HIP1: variants seen among roughly 807,000 people sequenced by gnomAD.
The protein encoded by HIP1 is huntingtin interacting protein 1, also known as huntingtin-interacting protein 1.
Under a neutral mutation model 147.6 loss-of-function variants are expected in HIP1, and 65 were observed. That is an observed-to-expected ratio of 0.44 (90% CI 0.36 to 0.54). HIP1 has a LOEUF of 0.54. Ranked by LOEUF, HIP1 falls within the 20% of genes least tolerant of loss-of-function variation. The pLI is 0.00. For synonymous variants in HIP1, 479 were observed against 504.0 expected (o/e 0.95, Z 0.67); for missense variants, 1,061 against 1,299.6 (o/e 0.82, Z 2.82).
At chr7:75,679,122 A>G (rs1213682386) in intron 1 of HIP1, among the ~76,000 whole-genome samples, 2 of 152,138 alleles carry the variant, frequency 1.3e-5, no homozygotes, top group South Asian at 2.1e-4. Flanking sequence ...TCCTTTCCCA[A>G]TTAAACTTCT....
chr7:75,643,923 C>T (rs541195776), intron 1 of HIP1, among the ~76,000 whole-genome samples: 1 of 152,232 alleles, frequency 6.6e-6, no homozygotes, highest in East Asian at 1.9e-4. Context: ...TCACTTGGCC[C>T]TGGGAGGCGG....
At position 75,556,800 on chromosome 7, in the gene HIP1, C is replaced by T. The variant is rs1332012868; in HGVS notation, c.1593G>A (p.Gln531=). 3 of 1,608,040 alleles carry T rather than the reference C, an allele frequency of 1.9e-6. No individual in the cohort carries two copies. Among genetic ancestry groups the T allele is most frequent in the Non-Finnish European group, 2.6e-6 (3 of 1,174,952 alleles). ...SDQGQRKTQE[Q]LEVLESLKQE... is the part of the protein sequence containing the mutation. ...GCTTCAAGCTCTCTAGAACTTCCAG[C>T]TGTTCTTGAGTCTGAAAGAGAAGAA... is the stretch of plus-strand genomic sequence containing the variant. The change falls in exon 17 of 31, where the codon CAG becomes CAA. Residue 531 remains glutamine (Q), a synonymous_variant. Coordinates refer to ENST00000336926, the MANE Select transcript of HIP1 (RefSeq NM_005338.7).
intron 1 of HIP1, among the ~76,000 whole-genome samples, chr7:75,677,689 T>G (rs1554516264): frequency 6.6e-6 from 1 of 151,696 alleles, no homozygotes; most frequent in Admixed American, 6.6e-5. Context: ...GACTATTCTC[T>G]GTTGCTGCCT....
chr7:75,572,095 A>G (rs962006993), intron 8 of HIP1, among the ~76,000 whole-genome samples: 4 of 152,118 alleles, frequency 2.6e-5, no homozygotes, highest in African/African-American at 7.2e-5. Flanking sequence ...GTGCCAGCAC[A>G]GACCTGTGGT....
chr7:75,614,241 A>G (rs1472020186), intron 1 of HIP1, among the ~76,000 whole-genome samples: 1 of 152,126 alleles, frequency 6.6e-6, no homozygotes, highest in East Asian at 1.9e-4. Context: ...GGGTCTTACT[A>G]TGTTGCTCAG....
At chr7:75,562,284 C>T (rs896311782) in intron 11 of HIP1, 114 bp from the exon 12 acceptor site, 29 of 715,854 alleles carry the variant, frequency 4.1e-5, no homozygotes, top group Middle Eastern at 5.8e-4. Flanking sequence ...CGGTTCAGAC[C>T]TGTTTAATTT....
In HIP1 at chr7:75,736,900, C is replaced by T. The variant is rs138832832; in HGVS notation, c.120+1901G>A. On this transcript the variant is annotated intron_variant, in intron 1 of 30. Transcript: ENST00000336926. ...CCCACTGCTTCACACTATCCAGACA[C>T]ACCTGCGCGCGGTTTTCTTTCTTTT... 2.0e-3 allele frequency among the ~76,000 whole-genome samples: 298 copies of T among 151,632 alleles called. 1 individual carries two copies. The highest frequency in any genetic ancestry group is 6.9e-3 in the African/African-American group (283 of 41,306).
intron 8 of HIP1, among the ~76,000 whole-genome samples, chr7:75,572,097 A>C (rs1795658336): frequency 6.6e-6 from 1 of 151,998 alleles, no homozygotes; most frequent in Non-Finnish European, 1.5e-5. Context: ...GCCAGCACAG[A>C]CCTGTGGTCC....
intron 25 of HIP1, among the ~76,000 whole-genome samples, chr7:75,546,236 T>C (rs1794558585): frequency 6.6e-6 from 1 of 152,082 alleles, no homozygotes; most frequent in Admixed American, 6.6e-5. Context: ...ATTTGAAAAA[T>C]GTTTTTATGC....
At chr7:75,721,461 C>T (rs563464649) in intron 1 of HIP1, among the ~76,000 whole-genome samples, 69 of 150,822 alleles carry the variant, frequency 4.6e-4, no homozygotes, top group African/African-American at 1.7e-3. Flanking sequence ...CCCAGAAGTT[C>T]GAGGCTGCAG....
chr7:75,559,370 C>T (rs1197601581), intron 14 of HIP1, among the ~76,000 whole-genome samples: 1 of 152,158 alleles, frequency 6.6e-6, no homozygotes, highest in African/African-American at 2.4e-5. Flanking sequence ...TCCATCCTGG[C>T]CTCCCAGAGT....
intron 1 of HIP1, among the ~76,000 whole-genome samples, chr7:75,684,416 C>G (rs1208740183): frequency 1.4e-5 from 2 of 146,286 alleles, no homozygotes; most frequent in Non-Finnish European, 3.0e-5. Context: ...TCACTGCACT[C>G]CAGCCTGAGC....
intron 1 of HIP1, among the ~76,000 whole-genome samples, chr7:75,722,361 A>G (rs1432889979): frequency 6.6e-6 from 1 of 152,200 alleles, no homozygotes; most frequent in Non-Finnish European, 1.5e-5. Context: ...CAGAATCACT[A>G]AGTCTGTAAG....
intron 1 of HIP1, among the ~76,000 whole-genome samples, chr7:75,659,821 G>C (rs1288929654): frequency 1.3e-5 from 2 of 151,948 alleles, no homozygotes; most frequent in Non-Finnish European, 2.9e-5. Context: ...AGTGCTCCAA[G>C]GGATGTAAAA....
chr7:75,555,195 C>CGGGGGG (rs371043786), intron 19 of HIP1, among the ~76,000 whole-genome samples: 721 of 23,492 alleles, frequency 0.031, 26 homozygotes, highest in Non-Finnish European at 0.057. Context: ...AGCGGGGGGG[C>CGGGGGG]GGGGGGGGGG....
intron 7 of HIP1, among the ~76,000 whole-genome samples, chr7:75,574,267 A>G (rs1795756062): frequency 6.7e-6 from 1 of 150,144 alleles, no homozygotes; most frequent in Admixed American, 6.7e-5. Flanking sequence ...CACTCCAGCA[A>G]CAGAGCAAAA....
intron 7 of HIP1, among the ~76,000 whole-genome samples, chr7:75,577,927 G>A (rs1207465630): frequency 6.6e-6 from 1 of 152,214 alleles, no homozygotes; most frequent in Non-Finnish European, 1.5e-5. Flanking sequence ...TTGAGCCTGG[G>A]AGGCGGAGGT....
At chr7:75,631,627 G>A (rs1446293083) in intron 1 of HIP1, among the ~76,000 whole-genome samples, 3 of 152,084 alleles carry the variant, frequency 2.0e-5, no homozygotes, top group African/African-American at 7.2e-5. Flanking sequence ...GATGCATTAG[G>A]ACTTTAGGGA....
chr7:75,595,244 CTTTCTTT>C (rs1563230309), intron 2 of HIP1, among the ~76,000 whole-genome samples: 246 of 112,640 alleles, frequency 2.2e-3, no homozygotes, highest in Middle Eastern at 4.1e-3. Flanking sequence ...TTCTTTCTTT[CTTTCTTT>C]CTTCCTTCCT....
Sources: gnomAD v4.1 joint callset for allele counts (sites outside exome capture counted in the v4.1 genomes callset) on GRCh38, gnomAD v4.1.1 for gene constraint, MANE v1.5 for transcripts, NCBI Gene and HGNC (gene_info 2026-07-23, HGNC 2026-07-21) for gene names.